The following SCX variants were observed in gnomAD, a reference collection of about 807,000 sequenced individuals.
The protein encoded by SCX is basic helix-loop-helix transcription factor scleraxis.
Under a neutral mutation model 12.2 loss-of-function variants are expected in SCX, and 7 were observed. The observed-to-expected ratio is 0.57, with a 90% confidence interval of 0.33 to 1.08. The LOEUF (loss-of-function observed/expected upper bound fraction) is 1.08, where lower values mean the gene tolerates loss of function less well. Ranked by LOEUF, SCX falls within the 50% of genes least tolerant of loss-of-function variation. The probability of loss-of-function intolerance (pLI) is 0.04; values close to 1 mark genes in which losing one functional copy is unlikely to be tolerated. For synonymous variants in SCX, 193 were observed against 163.9 expected (o/e 1.18, Z -1.36); for missense variants, 342 against 337.2 (o/e 1.01, Z -0.11).
chr8:144,267,311 A>G, intron 1 of SCX, 131 bp downstream of exon 1: 1 of 1,134,100 alleles, frequency 8.8e-7, no homozygotes, highest in Non-Finnish European at 1.1e-6. Flanking sequence ...CCTGTAACAC[A>G]GGCCTGCCGG....
At position 144,266,499 on chromosome 8, in the gene SCX, G is replaced by C; in HGVS notation, c.-115G>C. On this transcript the variant is annotated 5_prime_UTR_variant, in exon 1 of 2. Transcript: ENST00000567180. ...CGCGACGCCCGGCAGCTGCCACCGC[G>C]GGGCGCAGCCGAGACCCCGCGCCTC... The C allele has an allele frequency of 1.0e-6, 1 of 987,184 alleles. No individual in the cohort carries two copies. The highest frequency in any genetic ancestry group is 1.2e-6 in the Non-Finnish European group (1 of 832,076). 61.2% of individuals were successfully genotyped at this position (987,184 alleles called of 1,614,324 possible). A position where few individuals can be genotyped will look rare whatever the true frequency, so the allele number is the denominator to read the frequency against.
Position 144,267,164 on chromosome 8 carries a change from G to T in SCX, c.551G>T (p.Ser184Ile). The change falls in exon 1 of 2, where the codon AGC (serine) becomes ATC (isoleucine). Residue 184 changes from serine (S) to isoleucine (I), a missense_variant. Physicochemically the swap from Ser to Ile is moderately radical, Grantham distance 142. Transcript: ENST00000567180. Reference sequence around the variant, plus strand: ...AAACAGATCTGCACCTTCTGCCTCAGCAACCAGAGAAAGTTGGTGAGCACG... The same window carrying T: ...AAACAGATCTGCACCTTCTGCCTCATCAACCAGAGAAAGTTGGTGAGCACG... The part of the protein sequence containing the change: ...QPKQICTFCL[S>I]NQRKLSKDRD... 1 of 1,531,464 alleles carries T rather than the reference G, an allele frequency of 6.5e-7. No homozygotes were observed. Among genetic ancestry groups the T allele is most frequent in the Non-Finnish European group, 8.7e-7 (1 of 1,149,988 alleles). The allele number at this position is 1,531,464 out of a possible 1,614,324, so 94.9% of individuals were successfully genotyped here. A position where few individuals can be genotyped will look rare whatever the true frequency, so the allele number is the denominator to read the frequency against.
At position 144,266,637 on chromosome 8, in the gene SCX, G is replaced by C; in HGVS notation, c.24G>C (p.Pro8=). 8.1e-7 allele frequency: 1 copy of C among 1,235,788 alleles called. No homozygotes were observed. Among genetic ancestry groups the C allele is most frequent in the South Asian group, 1.5e-5 (1 of 68,388 alleles). 76.6% of individuals were successfully genotyped at this position (1,235,788 alleles called of 1,614,324 possible). MSFATLR[P]APPGRYLYPE... is the part of the protein sequence containing the mutation. ...CCATGTCCTTCGCCACGCTGCGCCC[G>C]GCGCCGCCGGGCCGCTACCTGTACC... Residue 8 remains proline (P), a synonymous_variant, in exon 1 of 2, where the codon CCG becomes CCC. Transcript: ENST00000567180.
chr8:144,266,591 G>A lies in SCX; in HGVS notation c.-23G>A. Reference sequence around the variant, plus strand: ...GGCATGAGCAGCGCGCGACAGAGCTGACGCCGCGCCCCCGCCGGCCCCATG... The same window carrying A: ...GGCATGAGCAGCGCGCGACAGAGCTAACGCCGCGCCCCCGCCGGCCCCATG... On this transcript the variant is annotated 5_prime_UTR_variant, in exon 1 of 2. An upstream open reading frame in the 5' UTR loses its in-frame stop. Transcript: ENST00000567180. 1.8e-6 allele frequency: 2 copies of A among 1,093,962 alleles called. No individual in the cohort carries two copies. The highest frequency in any genetic ancestry group is 2.2e-6 in the Non-Finnish European group (2 of 895,130). 67.8% of individuals were successfully genotyped at this position (1,093,962 alleles called of 1,614,324 possible). A position where few individuals can be genotyped will look rare whatever the true frequency, so the allele number is the denominator to read the frequency against.
chr8:144,267,178 T>C lies in SCX; in HGVS notation c.565T>C (p.Leu189=), dbSNP rs2130211542. 6.6e-7 allele frequency: 1 copy of C among 1,525,492 alleles called. No individual in the cohort carries two copies. The highest frequency in any genetic ancestry group is 1.2e-5 in the South Asian group (1 of 83,694). The allele number at this position is 1,525,492 out of a possible 1,614,324, so 94.5% of individuals were successfully genotyped here. ...CTFCLSNQRK[L]SKDRDRKTAI... ...CTTCTGCCTCAGCAACCAGAGAAAG[T>C]TGGTGAGCACGGGCCGTGGGGCGCC... Residue 189 remains leucine (L), a splice_region_variant and synonymous_variant, in exon 1 of 2, where the codon TTG becomes CTG. Coordinates refer to ENST00000567180, the MANE Select transcript of SCX (RefSeq NM_001080514.3).
Position 144,266,719 on chromosome 8 carries a change from G to T in SCX, c.106G>T (p.Asp36Tyr). Residue 36 changes from aspartate to tyrosine, a missense_variant, in exon 1 of 2, where the codon GAC becomes TAC. By Grantham distance (160) the Asp-to-Tyr change is radical. Coordinates refer to ENST00000567180, the MANE Select transcript of SCX (RefSeq NM_001080514.3). ...CCGCGGCAGCGACAGCTCGGGCTCCGACGAGAAACCCTGTCGCGTGCACGC... is the reference window on the plus strand; with the variant it reads ...CCGCGGCAGCGACAGCTCGGGCTCCTACGAGAAACCCTGTCGCGTGCACGC... Reference protein sequence around the residue: ...EDRGSDSSGSDEKPCRVHAAR... With the variant: ...EDRGSDSSGSYEKPCRVHAAR... The T allele has an allele frequency of 8.4e-7, 1 of 1,196,074 alleles. No individual in the cohort carries two copies. The highest frequency in any genetic ancestry group is 1.1e-6 in the Non-Finnish European group (1 of 947,204). The allele number at this position is 1,196,074 out of a possible 1,614,324, so 74.1% of individuals were successfully genotyped here.
At position 144,267,083 on chromosome 8, in the gene SCX, GCCCCCCGCCGCC is replaced by G; in HGVS notation, c.471_482del (p.Ser157_Pro161delinsArg). On this transcript the variant is annotated inframe_deletion, in exon 1 of 2. Coordinates refer to ENST00000567180, the MANE Select transcript of SCX (RefSeq NM_001080514.3). ...TTCTTCCACGCGGCGCGCGCCGGCA[GCCCCCCGCCGCC>G]GCCCCCGCCGCCTCCCGCCCGCGAC... 1 of 1,369,688 alleles carries G rather than the reference GCCCCCCGCCGCC, an allele frequency of 7.3e-7. No homozygotes were observed. Among genetic ancestry groups the G allele is most frequent in the Non-Finnish European group, 9.3e-7 (1 of 1,069,938 alleles). The allele number at this position is 1,369,688 out of a possible 1,614,324, so 84.8% of individuals were successfully genotyped here. A position where few individuals can be genotyped will look rare whatever the true frequency, so the allele number is the denominator to read the frequency against.
intron 1 of SCX, 52 bp from the exon 2 acceptor site, chr8:144,268,052 A>C: frequency 6.5e-7 from 1 of 1,549,256 alleles, no homozygotes; most frequent in Non-Finnish European, 8.7e-7. Context: ...AGAGAGGCGC[A>C]GACTGGCGCT....
chr8:144,267,178 T>G lies in SCX; in HGVS notation c.565T>G (p.Leu189Val). The G allele has an allele frequency of 2.6e-6, 4 of 1,525,492 alleles. No homozygotes were observed. The East Asian group carries it at 8.1e-5, about 31-fold the overall frequency. 94.5% of individuals were successfully genotyped at this position (1,525,492 alleles called of 1,614,324 possible). A position where few individuals can be genotyped will look rare whatever the true frequency, so the allele number is the denominator to read the frequency against. ...CTTCTGCCTCAGCAACCAGAGAAAG[T>G]TGGTGAGCACGGGCCGTGGGGCGCC... Reference protein sequence around the residue: ...CTFCLSNQRKLSKDRDRKTAI... With the variant: ...CTFCLSNQRKVSKDRDRKTAI... Residue 189 changes from leucine (L) to valine (V), a missense_variant and splice_region_variant, in exon 1 of 2, where the codon TTG becomes GTG. Transcript: ENST00000567180.
At position 144,267,096 on chromosome 8, in the gene SCX, G is replaced by GCCCCCGCCGCCT; in HGVS notation, c.487_498dup (p.Pro163_Pro166dup). The GCCCCCGCCGCCT allele has an allele frequency of 7.1e-7, 1 of 1,403,808 alleles. No homozygotes were observed. Among genetic ancestry groups the GCCCCCGCCGCCT allele is most frequent in the Non-Finnish European group, 9.2e-7 (1 of 1,089,338 alleles). 87.0% of individuals were successfully genotyped at this position (1,403,808 alleles called of 1,614,324 possible). ...CGCGCGCCGGCAGCCCCCCGCCGCC[G>GCCCCCGCCGCCT]CCCCCGCCGCCTCCCGCCCGCGACG... is the stretch of plus-strand genomic sequence containing the variant. On this transcript the variant is annotated inframe_insertion, in exon 1 of 2. Transcript: ENST00000567180.
At chr8:144,267,951 C>T (rs2130214813) in intron 1 of SCX, among the ~76,000 whole-genome samples, 153 bp from the exon 2 acceptor site, 1 of 152,322 alleles carries the variant, frequency 6.6e-6, no homozygotes, top group African/African-American at 2.4e-5. Flanking sequence ...CAGTATGCTC[C>T]CCTCCCCAAA....
In SCX at chr8:144,268,192, G is replaced by C; in HGVS notation, c.*50G>C. On this transcript the variant is annotated 3_prime_UTR_variant, in exon 2 of 2. Coordinates refer to ENST00000567180, the MANE Select transcript of SCX (RefSeq NM_001080514.3). ...GCAGACGCTGCTGGGGGAGGTGGAC[G>C]CCCGGGGTGACTGCAGACAGCCCCC... 6.5e-7 allele frequency: 1 copy of C among 1,548,408 alleles called. No individual in the cohort carries two copies. Among genetic ancestry groups the C allele is most frequent in the Non-Finnish European group, 8.7e-7 (1 of 1,146,316 alleles).
At position 144,267,152 on chromosome 8, in the gene SCX, C is replaced by A; in HGVS notation, c.539C>A (p.Thr180Asn). Residue 180 changes from threonine to asparagine, a missense_variant, in exon 1 of 2, where the codon ACC (threonine) becomes AAC (asparagine). By Grantham distance (65) the Thr-to-Asn change is moderately conservative. Around this residue, in one of 3 missense-constraint regions of SCX, gnomAD observed 161 missense variants for 155.7 expected, o/e 1.03. Coordinates refer to ENST00000567180, the MANE Select transcript of SCX (RefSeq NM_001080514.3). ...AACACCCAGCCCAAACAGATCTGCA[C>A]CTTCTGCCTCAGCAACCAGAGAAAG... is the stretch of plus-strand genomic sequence containing the variant. ...GENTQPKQIC[T>N]FCLSNQRKLS... 1 of 1,531,768 alleles carries A rather than the reference C, an allele frequency of 6.5e-7. No homozygotes were observed. The allele number at this position is 1,531,768 out of a possible 1,614,324, so 94.9% of individuals were successfully genotyped here.
At position 144,266,598 on chromosome 8, in the gene SCX, C is replaced by CGCCCCCGCCG; in HGVS notation, c.-10_-1dup. On this transcript the variant is annotated 5_prime_UTR_variant, in exon 1 of 2. Transcript: ENST00000567180. ...GCAGCGCGCGACAGAGCTGACGCCG[C>CGCCCCCGCCG]GCCCCCGCCGGCCCCATGTCCTTCG... is the stretch of plus-strand genomic sequence containing the variant. 3.6e-6 allele frequency: 4 copies of CGCCCCCGCCG among 1,110,066 alleles called. No individual in the cohort carries two copies. The highest frequency in any genetic ancestry group is 4.4e-6 in the Non-Finnish European group (4 of 903,812). The allele number at this position is 1,110,066 out of a possible 1,614,324, so 68.8% of individuals were successfully genotyped here. A position where few individuals can be genotyped will look rare whatever the true frequency, so the allele number is the denominator to read the frequency against.
At position 144,266,609 on chromosome 8, in the gene SCX, GC is replaced by G; in HGVS notation, c.-1del. On this transcript the variant is annotated 5_prime_UTR_variant, in exon 1 of 2. Transcript: ENST00000567180. The stretch of plus-strand genomic sequence containing the variant: ...CAGAGCTGACGCCGCGCCCCCGCCG[GC>G]CCCATGTCCTTCGCCACGCTGCGCC... 2 of 1,166,666 alleles carry G rather than the reference GC, an allele frequency of 1.7e-6. No homozygotes were observed. Among genetic ancestry groups the G allele is most frequent in the East Asian group, 7.2e-5 (1 of 13,826 alleles). 72.3% of individuals were successfully genotyped at this position (1,166,666 alleles called of 1,614,324 possible). A position where few individuals can be genotyped will look rare whatever the true frequency, so the allele number is the denominator to read the frequency against.
chr8:144,267,039 C>T lies in SCX; in HGVS notation c.426C>T (p.Pro142=). 6.6e-7 allele frequency: 1 copy of T among 1,519,044 alleles called. No homozygotes were observed. Among genetic ancestry groups the T allele is most frequent in the Non-Finnish European group, 8.8e-7 (1 of 1,140,584 alleles). 94.1% of individuals were successfully genotyped at this position (1,519,044 alleles called of 1,614,324 possible). The change falls in exon 1 of 2, where the codon CCC becomes CCT. Residue 142 remains proline, a synonymous_variant. Transcript: ENST00000567180. ...LAGEACGDGQ[P]CHSGPAFFHA... ...GCGAGGCCTGCGGCGACGGACAGCC[C>T]TGCCACTCCGGGCCCGCCTTCTTCC... is the stretch of plus-strand genomic sequence containing the variant.
At chr8:144,267,998 T>C in intron 1 of SCX, 106 bp from the exon 2 acceptor site, 1 of 1,512,720 alleles carries the variant, frequency 6.6e-7, no homozygotes, top group Non-Finnish European at 9.0e-7. Context: ...GGGAAGGAGG[T>C]GCCTTGGCGC....
At chr8:144,267,989 G>A in intron 1 of SCX, 115 bp from the exon 2 acceptor site, 1 of 1,473,462 alleles carries the variant, frequency 6.8e-7, no homozygotes, top group African/African-American at 1.4e-5. Context: ...GGGAGAGCCG[G>A]GAAGGAGGTG....
chr8:144,268,050 G>T (rs958633910), intron 1 of SCX, 54 bp from the exon 2 acceptor site: 19 of 1,548,926 alleles, frequency 1.2e-5, no homozygotes, highest in Non-Finnish European at 1.7e-5. Context: ...CCAGAGAGGC[G>T]CAGACTGGCG....
Sources: allele counts gnomAD v4.1 joint callset (sites outside exome capture counted in the v4.1 genomes callset), GRCh38; gene constraint gnomAD v4.1.1; regional missense constraint gnomAD v4.1.1; transcripts MANE v1.5; gene names NCBI Gene and HGNC (gene_info 2026-07-23, HGNC 2026-07-21).